IL4I1: variants seen among roughly 807,000 people sequenced by gnomAD.
The protein encoded by IL4I1 is L-amino-acid oxidase.
In IL4I1, 24 loss-of-function variants were observed where a neutral mutation model predicts 29.7. That is an observed-to-expected ratio of 0.81 (90% CI 0.59 to 1.14). The LOEUF is 1.14. Ranked by LOEUF, IL4I1 falls within the 50% of genes most tolerant of loss-of-function variation. The pLI, the probability that IL4I1 is intolerant of heterozygous loss-of-function variation, is 0.00. For missense variants in IL4I1, 686 were observed against 785.6 expected, an observed-to-expected ratio of 0.87 and a Z score of 1.52; for synonymous variants, 371 against 352.5, an observed-to-expected ratio of 1.05 and a Z score of -0.59.
intron 2 of IL4I1, chr19:49,909,394 G>C (rs200074617): frequency 9.3e-6 from 15 of 1,613,676 alleles, no homozygotes; most frequent in Non-Finnish European, 1.1e-5. Flanking sequence ...ACACAAAGCC[G>C]GTGGGTGCTG....
chr19:49,896,445 T>A (rs2075212284), intron 1 of IL4I1, among the ~76,000 whole-genome samples: 1 of 149,282 alleles, frequency 6.7e-6, no homozygotes, highest in Non-Finnish European at 1.5e-5. Context: ...TTCCTTTCTT[T>A]CTTTTTTTTT....
Position 49,890,451 on chromosome 19 carries a change from C to A in IL4I1, c.923G>T (p.Arg308Leu), listed in dbSNP as rs781202325. The change falls in exon 8 of 8, where the codon CGG (arginine) becomes CTG (leucine). Residue 308 changes from arginine (R) to leucine (L), a missense_variant. Physicochemically the swap from Arg to Leu is moderately radical, Grantham distance 102. Coordinates refer to ENST00000391826, the MANE Select transcript of IL4I1 (RefSeq NM_152899.2). ...HVQIETSPPA[R>L]NLKVLKADVV... is the part of the protein sequence containing the mutation. ...GTCGGCCTTCAGCACCTTCAGATTC[C>A]GCGCCGGGGGAGAGGTCTCGATCTG... 6.6e-5 allele frequency: 107 copies of A among 1,611,726 alleles called. No homozygotes were observed. The Admixed American group carries it at 1.8e-3, about 27-fold the overall frequency.
chr19:49,929,152 G>A (rs1402513473), intron 1 of IL4I1: 1 of 152,022 alleles, frequency 6.6e-6, no homozygotes, highest in Non-Finnish European at 1.5e-5. Context: ...GATCCGGGAG[G>A]GCCGTGCTCC....
chr19:49,928,353 TA>T (rs1291874468), intron 1 of IL4I1: 4 of 152,110 alleles, frequency 2.6e-5, no homozygotes, highest in African/African-American at 7.2e-5. Flanking sequence ...CCGTCTCTAC[TA>T]AAAATACAAA....
chr19:49,916,657 G>A (rs2075631639), intron 2 of IL4I1, among the ~76,000 whole-genome samples: 3 of 151,884 alleles, frequency 2.0e-5, no homozygotes, highest in African/African-American at 2.4e-5. Context: ...CCAGCTACTC[G>A]GGAGGCTGAG....
intron 4 of IL4I1, 28 bp from the exon 5 acceptor site, chr19:49,894,497 C>T: frequency 6.2e-7 from 1 of 1,602,876 alleles, no homozygotes; most frequent in East Asian, 2.2e-5. Flanking sequence ...TGAGTGAGGG[C>T]CGGGCTCCAG....
In IL4I1 at chr19:49,894,152, G is replaced by A. The variant is rs372002480; in HGVS notation, c.567+116C>T. The A allele has an allele frequency of 1.6e-4, 145 of 930,484 alleles. 3 individuals carry two copies. The highest frequency in any genetic ancestry group is 9.7e-4 in the Admixed American group (46 of 47,550). 57.6% of individuals were successfully genotyped at this position (930,484 alleles called of 1,614,324 possible). On this transcript the variant is annotated intron_variant, in intron 5 of 7. Coordinates refer to ENST00000391826, the MANE Select transcript of IL4I1 (RefSeq NM_152899.2). ...AGAATTTCCATCTCCACCAACAGGC[G>A]CCCCACCCCATGGAGGGGACTGAAG...
intron 2 of IL4I1, chr19:49,913,265 C>CCTGGGCTGTTCAAATCTGCA (rs1300986288): frequency 1.3e-5 from 2 of 152,328 alleles, no homozygotes; most frequent in Non-Finnish European, 2.9e-5. Flanking sequence ...ACTTGGCAAG[C>CCTGGGCTGTTCAAATCTGCA]CTGGGCTGTT....
upstream of IL4I1, among the ~76,000 whole-genome samples, chr19:49,897,166 T>C (rs1012973374): frequency 6.6e-6 from 1 of 152,208 alleles, no homozygotes; most frequent in African/African-American, 2.4e-5. Context: ...CCCCCGTCCC[T>C]GATCACCAGG....
At chr19:49,916,078 ACACCGAGCC>A (rs1361275124) in intron 2 of IL4I1, among the ~76,000 whole-genome samples, 1 of 152,242 alleles carries the variant, frequency 6.6e-6, no homozygotes, top group Non-Finnish European at 1.5e-5. Context: ...GCACTGCAGC[ACACCGAGCC>A]CTTCCTGGGT....
chr19:49,895,961 A>T lies in IL4I1; in HGVS notation c.106T>A (p.Cys36Ser). The T allele has an allele frequency of 6.2e-7, 1 of 1,614,098 alleles. No individual in the cohort carries two copies. The highest frequency in any genetic ancestry group is 8.5e-7 in the Non-Finnish European group (1 of 1,180,012). ...AERSQDPFEK[C>S]MQDPDYEQLL... is the part of the protein sequence containing the mutation. Reference sequence around the variant, plus strand: ...TGCTCATAGTCAGGATCCTGCATGCATTTCTCGAAGGGGTCTTGGCTGCGT... The same window carrying T: ...TGCTCATAGTCAGGATCCTGCATGCTTTTCTCGAAGGGGTCTTGGCTGCGT... The change falls in exon 3 of 8, where the codon TGC (cysteine) becomes AGC (serine). Residue 36 changes from cysteine to serine, a missense_variant. Physicochemically the swap from Cys to Ser is moderately radical, Grantham distance 112. Transcript: ENST00000391826.
At chr19:49,923,872 C>T (rs141836903) in intron 2 of IL4I1, among the ~76,000 whole-genome samples, 20 of 152,276 alleles carry the variant, frequency 1.3e-4, no homozygotes, top group East Asian at 7.7e-4. Flanking sequence ...GGAAGGCAGC[C>T]GAGGCTCGGC....
At chr19:49,916,662 G>C (rs1017935609) in intron 2 of IL4I1, among the ~76,000 whole-genome samples, 1 of 151,900 alleles carries the variant, frequency 6.6e-6, no homozygotes, top group Non-Finnish European at 1.5e-5. Flanking sequence ...TACTCGGGAG[G>C]CTGAGGCAGG....
upstream of IL4I1, chr19:49,901,714 G>T: frequency 6.5e-7 from 1 of 1,529,804 alleles, no homozygotes; most frequent in Non-Finnish European, 8.8e-7. Flanking sequence ...TCATCGTTGG[G>T]CATGTGCGGA....
intron 1 of IL4I1, chr19:49,928,661 GAACTT>G (rs1231297470): frequency 5.9e-5 from 9 of 152,224 alleles, no homozygotes; most frequent in African/African-American, 2.2e-4. Flanking sequence ...TGAAGTAAGA[GAACTT>G]AAGTTATTTG....
At chr19:49,893,383 G>C (rs1258820726) in intron 5 of IL4I1, among the ~76,000 whole-genome samples, 1 of 151,752 alleles carries the variant, frequency 6.6e-6, no homozygotes, top group Non-Finnish European at 1.5e-5. Flanking sequence ...GATGGTGGGG[G>C]AGGTGGGCGA....
intron 2 of IL4I1, among the ~76,000 whole-genome samples, chr19:49,905,421 A>C (rs2075309446): frequency 6.6e-6 from 1 of 152,176 alleles, no homozygotes. Context: ...CAGAGGGGAC[A>C]ATATGAGTCA....
At chr19:49,915,583 G>T (rs1448652785) in intron 2 of IL4I1, among the ~76,000 whole-genome samples, 3 of 152,224 alleles carry the variant, frequency 2.0e-5, no homozygotes, top group Non-Finnish European at 2.9e-5. Flanking sequence ...TGTTACAGCA[G>T]CCACTAGAAA....
upstream of IL4I1, among the ~76,000 whole-genome samples, chr19:49,900,502 G>A (rs921839638): frequency 1.3e-5 from 2 of 152,040 alleles, no homozygotes; most frequent in East Asian, 3.9e-4. Context: ...TGGACAGGCT[G>A]GTCTTGAAGT....
Sources: allele counts gnomAD v4.1 joint callset (sites outside exome capture counted in the v4.1 genomes callset), GRCh38; gene constraint gnomAD v4.1.1; transcripts MANE v1.5; gene names NCBI Gene and HGNC (gene_info 2026-07-23, HGNC 2026-07-21).